Variants in RNF150 observed in about 807,000 individuals in gnomAD.
The protein encoded by RNF150 is ring finger protein 150.
RNF150 carries 24 observed loss-of-function variants against 39.3 expected under a neutral mutation model. The ratio of observed to expected loss-of-function variants is 0.61; its 90% confidence interval spans 0.44 to 0.86. The LOEUF (loss-of-function observed/expected upper bound fraction) is 0.86. Ranked by LOEUF, RNF150 falls within the 40% of genes least tolerant of loss-of-function variation. The pLI is 0.00. For synonymous variants in RNF150, 255 were observed against 227.3 expected (o/e 1.12, Z -1.10); for missense variants, 502 against 587.8 (o/e 0.85, Z 1.51).
intron 1 of RNF150, among the ~76,000 whole-genome samples, chr4:141,159,858 C>T (rs1339262582): frequency 1.3e-5 from 2 of 152,194 alleles, no homozygotes; most frequent in Non-Finnish European, 2.9e-5. Context: ...TTTCTTCTTT[C>T]TAATTTGTTC....
chr4:141,187,596 C>T (rs959635598), intron 1 of RNF150, among the ~76,000 whole-genome samples: 3 of 152,102 alleles, frequency 2.0e-5, no homozygotes, highest in African/African-American at 7.2e-5. Context: ...ATCCCTTTAC[C>T]ATTATGCAAT....
chr4:141,089,255 G>A (rs533804675), intron 1 of RNF150, among the ~76,000 whole-genome samples: 3 of 127,296 alleles, frequency 2.4e-5, no homozygotes, highest in Non-Finnish European at 3.3e-5. Context: ...CTAGGAATAC[G>A]TCAAATCAAG....
intron 5 of RNF150, among the ~76,000 whole-genome samples, chr4:140,913,895 G>A (rs1730713278): frequency 6.6e-6 from 1 of 152,144 alleles, no homozygotes; most frequent in African/African-American, 2.4e-5. Context: ...AAACTGTAAA[G>A]TTCTATTTAA....
At chr4:140,982,486 G>A (rs73857160) in intron 1 of RNF150, among the ~76,000 whole-genome samples, 2,599 of 151,166 alleles carry the variant, frequency 0.017, 69 homozygotes, top group African/African-American at 0.059. Flanking sequence ...CACTGGTCAT[G>A]GCTGAATTAA....
At chr4:141,114,828 G>C (rs1232906519) in intron 1 of RNF150, among the ~76,000 whole-genome samples, 1 of 152,142 alleles carries the variant, frequency 6.6e-6, no homozygotes, top group Non-Finnish European at 1.5e-5. Flanking sequence ...GGGATGCAAG[G>C]CTGGTTCAAC....
At chr4:141,018,271 G>C (rs1344863776) in intron 1 of RNF150, among the ~76,000 whole-genome samples, 1 of 152,124 alleles carries the variant, frequency 6.6e-6, no homozygotes, top group Admixed American at 6.5e-5. Flanking sequence ...GTGTGGTTCA[G>C]AAAGACTTCT....
intron 1 of RNF150, among the ~76,000 whole-genome samples, chr4:141,152,771 A>G (rs901940234): frequency 2.0e-5 from 3 of 152,216 alleles, no homozygotes; most frequent in African/African-American, 7.2e-5. Flanking sequence ...CACTTTACAC[A>G]CATATGTAAC....
chr4:140,904,678 T>C (rs894121407), intron 6 of RNF150, among the ~76,000 whole-genome samples: 1 of 152,222 alleles, frequency 6.6e-6, no homozygotes, highest in African/African-American at 2.4e-5. Flanking sequence ...TAGCTGCACA[T>C]GTGAAACAGA....
At chr4:141,015,132 G>A (rs1265873815) in intron 1 of RNF150, among the ~76,000 whole-genome samples, 1 of 152,078 alleles carries the variant, frequency 6.6e-6, no homozygotes, top group Non-Finnish European at 1.5e-5. Flanking sequence ...TGACTATAAA[G>A]GTGTGGGTTT....
chr4:140,949,471 A>C, intron 2 of RNF150, 99 bp from the exon 3 acceptor site: 1 of 979,278 alleles, frequency 1.0e-6, no homozygotes, highest in Non-Finnish European at 1.6e-6. Context: ...CTCTGAAATC[A>C]TGCACATGTG....
intron 6 of RNF150, among the ~76,000 whole-genome samples, chr4:140,878,164 G>GTT (rs58338048): frequency 0.01 from 936 of 90,426 alleles, 32 homozygotes; most frequent in Middle Eastern, 0.018. Flanking sequence ...ATCTCATTGT[G>GTT]TTTTTTTTTT....
chr4:141,125,289 G>A (rs550234934), intron 1 of RNF150, among the ~76,000 whole-genome samples: 8 of 152,292 alleles, frequency 5.3e-5, no homozygotes, highest in African/African-American at 9.6e-5. Context: ...TTAATAGAAC[G>A]ATTGTAAATT....
intron 1 of RNF150, among the ~76,000 whole-genome samples, chr4:141,000,045 A>AAGG (rs1734585541): frequency 2.5e-5 from 2 of 81,314 alleles, no homozygotes; most frequent in African/African-American, 8.1e-5. Context: ...GAAGAAGAAG[A>AAGG]AGAAGAAGAA....
intron 1 of RNF150, among the ~76,000 whole-genome samples, chr4:140,992,129 C>A (rs1425445): frequency 2.0e-5 from 3 of 151,974 alleles, no homozygotes; most frequent in African/African-American, 7.2e-5. Flanking sequence ...TTTTTATATA[C>A]CTTGTCCTTA....
At chr4:140,936,928 G>C (rs1377810310) in intron 4 of RNF150, among the ~76,000 whole-genome samples, 1 of 152,128 alleles carries the variant, frequency 6.6e-6, no homozygotes, top group African/African-American at 2.4e-5. Flanking sequence ...AGATGAGAAA[G>C]ATGCTTTAAA....
intron 1 of RNF150, among the ~76,000 whole-genome samples, chr4:140,997,669 T>C (rs112925455): frequency 0.075 from 11,461 of 151,958 alleles, 496 homozygotes; most frequent in Middle Eastern, 0.16. Flanking sequence ...GAGCCAAGAT[T>C]GCGCCACTGC....
intron 1 of RNF150, among the ~76,000 whole-genome samples, chr4:141,025,531 G>T (rs1735664400): frequency 6.6e-6 from 1 of 151,236 alleles, no homozygotes; most frequent in African/African-American, 2.4e-5. Flanking sequence ...GGTGAAAGCT[G>T]AAAAAAAATG....
At chr4:141,006,799 C>G (rs752232995) in intron 1 of RNF150, among the ~76,000 whole-genome samples, 11 of 152,150 alleles carry the variant, frequency 7.2e-5, no homozygotes, top group Non-Finnish European at 1.6e-4. Context: ...TCTCTTAAAT[C>G]CATATATTTA....
chr4:141,103,551 T>C (rs1259806244), intron 1 of RNF150, among the ~76,000 whole-genome samples: 3 of 152,146 alleles, frequency 2.0e-5, no homozygotes, highest in African/African-American at 7.2e-5. Flanking sequence ...ATCACTGGGA[T>C]ATTATTATCT....
Sources: allele counts gnomAD v4.1 joint callset (sites outside exome capture counted in the v4.1 genomes callset), GRCh38; gene constraint gnomAD v4.1.1; transcripts MANE v1.5; gene names NCBI Gene and HGNC (gene_info 2026-07-23, HGNC 2026-07-21).